The following CCBE1 variants were observed in gnomAD, a reference collection of about 807,000 sequenced individuals.
CCBE1 encodes collagen and calcium-binding EGF domain-containing protein 1.
Under a neutral mutation model 50.0 loss-of-function variants are expected in CCBE1, and 37 were observed. The ratio of observed to expected loss-of-function variants is 0.74; its 90% CI spans 0.57 to 0.97. The LOEUF is 0.97. CCBE1 is among the 50% of genes least tolerant of loss of function. The pLI is 0.00. For synonymous variants in CCBE1, 234 were observed against 203.7 expected, an observed-to-expected ratio of 1.15 and a Z score of -1.27; for missense variants, 538 against 523.8, an observed-to-expected ratio of 1.03 and a Z score of -0.26.
At chr18:59,522,587 T>C (rs894547910) in intron 2 of CCBE1, among the ~76,000 whole-genome samples, 11 of 152,202 alleles carry the variant, frequency 7.2e-5, no homozygotes, top group African/African-American at 2.7e-4. Flanking sequence ...GAGTGCCTCC[T>C]ACCACAATAC....
rs541222258 is a variant in CCBE1 at position 59,454,754 on chromosome 18, A to G, written c.654+97T>C. Reference sequence around the variant, plus strand: ...CTGGCATCAACTGCGTGAATGCTCAATGTGGATATTTTCTTATTTGTAAAT... The same window carrying G: ...CTGGCATCAACTGCGTGAATGCTCAGTGTGGATATTTTCTTATTTGTAAAT... On this transcript the variant is annotated intron_variant, in intron 6 of 10. Transcript: ENST00000439986. 9 of 1,064,950 alleles carry G rather than the reference A, an allele frequency of 8.5e-6. No individual in the cohort carries two copies. The African/African-American group carries it at 9.3e-5, about 11-fold the overall frequency. The allele number at this position is 1,064,950 out of a possible 1,614,324, so 66.0% of individuals were successfully genotyped here.
chr18:59,632,585 G>T (rs1007838109), intron 2 of CCBE1, among the ~76,000 whole-genome samples: 2 of 149,834 alleles, frequency 1.3e-5, no homozygotes, highest in Non-Finnish European at 3.0e-5. Flanking sequence ...TTAAATTTTT[G>T]TTTTGTATTG....
At chr18:59,653,887 A>G (rs2054155700) in intron 2 of CCBE1, among the ~76,000 whole-genome samples, 1 of 152,224 alleles carries the variant, frequency 6.6e-6, no homozygotes, top group African/African-American at 2.4e-5. Flanking sequence ...TATAAAATTC[A>G]AATTCTTATG....
At chr18:59,440,163 A>T (rs1365229950) in intron 7 of CCBE1, among the ~76,000 whole-genome samples, 1 of 152,108 alleles carries the variant, frequency 6.6e-6, no homozygotes. Flanking sequence ...GCTCCCTTCT[A>T]TCCACTGGAT....
chr18:59,646,813 A>G (rs554561627), intron 2 of CCBE1, among the ~76,000 whole-genome samples: 5 of 152,360 alleles, frequency 3.3e-5, no homozygotes, highest in Non-Finnish European at 5.9e-5. Context: ...CATGTGTTTT[A>G]ACCATCAGCC....
Position 59,432,558 on chromosome 18 carries a change from C to T in CCBE1, c.*3350G>A, listed in dbSNP as rs1909980660. On this transcript the variant is annotated 3_prime_UTR_variant, in exon 11 of 11. Coordinates refer to ENST00000439986, the MANE Select transcript of CCBE1 (RefSeq NM_133459.4). Reference sequence around the variant, plus strand: ...AGAAATAATGATGCCTTATGATGTCCTATCTTTGAAAAATATGATTTGGGC... The same window carrying T: ...AGAAATAATGATGCCTTATGATGTCTTATCTTTGAAAAATATGATTTGGGC... 1 of 152,090 alleles carries T rather than the reference C, an allele frequency of 6.6e-6. No homozygotes were observed. The highest frequency in any genetic ancestry group is 1.5e-5 in the Non-Finnish European group (1 of 68,022). The allele number at this position is 152,090 out of a possible 1,614,324, so 9.4% of individuals were successfully genotyped here.
At chr18:59,686,106 T>A (rs2054649727) in intron 2 of CCBE1, 1 of 152,220 alleles carries the variant, frequency 6.6e-6, no homozygotes, top group South Asian at 2.1e-4. Context: ...AGAATTTCAT[T>A]TCATTGGATA....
intron 3 of CCBE1, among the ~76,000 whole-genome samples, chr18:59,477,963 G>A (rs1598935516): frequency 2.6e-5 from 4 of 152,194 alleles, no homozygotes. Context: ...GTGCTTCTGT[G>A]AAGATATTTT....
At chr18:59,557,946 A>G (rs2052677962) in intron 2 of CCBE1, among the ~76,000 whole-genome samples, 1 of 152,198 alleles carries the variant, frequency 6.6e-6, no homozygotes, top group Admixed American at 6.5e-5. Flanking sequence ...TTTGTTTTTG[A>G]TGACCATGTC....
At chr18:59,591,289 A>AAAAAAAT (rs2053265163) in intron 2 of CCBE1, among the ~76,000 whole-genome samples, 1 of 143,732 alleles carries the variant, frequency 7.0e-6, no homozygotes, top group African/African-American at 2.5e-5. Flanking sequence ...AAAAAAAAAA[A>AAAAAAAT]GCTGCTAAGT....
At chr18:59,544,342 C>CT (rs202188708) in intron 2 of CCBE1, among the ~76,000 whole-genome samples, 8 of 151,882 alleles carry the variant, frequency 5.3e-5, no homozygotes, top group Admixed American at 5.2e-4. Flanking sequence ...AAATCCATTG[C>CT]TGTAGGCTTT....
intron 2 of CCBE1, among the ~76,000 whole-genome samples, chr18:59,520,915 G>A (rs1914570611): frequency 6.6e-6 from 1 of 152,250 alleles, no homozygotes; most frequent in Non-Finnish European, 1.5e-5. Flanking sequence ...ATTGGGTGCT[G>A]TGTTGATACA....
chr18:59,553,875 G>T (rs1276774411), intron 2 of CCBE1, among the ~76,000 whole-genome samples: 2 of 152,228 alleles, frequency 1.3e-5, no homozygotes, highest in Non-Finnish European at 2.9e-5. Flanking sequence ...AAATAAATTT[G>T]TGTATTACAA....
intron 2 of CCBE1, among the ~76,000 whole-genome samples, chr18:59,645,957 G>C (rs912835909): frequency 8.5e-5 from 13 of 152,064 alleles, no homozygotes; most frequent in African/African-American, 3.1e-4. Flanking sequence ...TGTGAACCCG[G>C]CAGACGGAGC....
At chr18:59,565,966 C>G (rs369992268) in intron 2 of CCBE1, among the ~76,000 whole-genome samples, 2 of 152,116 alleles carry the variant, frequency 1.3e-5, no homozygotes, top group Non-Finnish European at 1.5e-5. Flanking sequence ...CCAAAGACCC[C>G]GAGTCACTAC....
chr18:59,612,548 A>G (rs531473470), intron 2 of CCBE1, among the ~76,000 whole-genome samples: 1 of 152,314 alleles, frequency 6.6e-6, no homozygotes, highest in South Asian at 2.1e-4. Context: ...TGACTTTACC[A>G]ATAACCATGA....
chr18:59,539,265 C>T (rs1915376386), intron 2 of CCBE1, among the ~76,000 whole-genome samples: 1 of 152,060 alleles, frequency 6.6e-6, no homozygotes, highest in African/African-American at 2.4e-5. Context: ...CTGGCTCTCC[C>T]TGGGGCCTTG....
rs562443688 is a variant in CCBE1, at chr18:59,551,363, C to T, written c.213-71125G>A. Among the ~76,000 whole-genome samples, 7 of 152,310 alleles carry T rather than the reference C, an allele frequency of 4.6e-5. No individual in the cohort carries two copies. In the South Asian group the frequency reaches 1.5e-3, roughly 32 times the overall value. On this transcript the variant is annotated intron_variant, in intron 2 of 10. Transcript: ENST00000439986. ...GGATACTAACCATAAGTACAGCCTG[C>T]AGAACCGGAAGAATCTCTGGATGGG...
chr18:59,486,157 C>G (rs1912816847), intron 2 of CCBE1, among the ~76,000 whole-genome samples: 1 of 152,178 alleles, frequency 6.6e-6, no homozygotes, highest in African/African-American at 2.4e-5. Flanking sequence ...TAAATAGTAT[C>G]TGCCTTATGA....
Sources: gnomAD v4.1 joint callset for allele counts (sites outside exome capture counted in the v4.1 genomes callset) on GRCh38, gnomAD v4.1.1 for gene constraint, MANE v1.5 for transcripts, NCBI Gene and HGNC (gene_info 2026-07-23, HGNC 2026-07-21) for gene names.